UGT2B15: variants seen among roughly 807,000 people sequenced by gnomAD.
UGT2B15 encodes the protein UDP-glucuronosyltransferase 2B15.
UGT2B15 carries 36 observed loss-of-function variants against 45.9 expected under a neutral mutation model. The observed-to-expected ratio is 0.78, with a 90% CI of 0.60 to 1.04. The LOEUF is 1.04. UGT2B15 is among the 50% of genes least tolerant of loss of function. The probability of loss-of-function intolerance (pLI) is 0.00; values close to 1 mark genes in which losing one functional copy is unlikely to be tolerated. For synonymous variants in UGT2B15, 219 were observed against 216.4 expected, an observed-to-expected ratio of 1.01 and a Z score of -0.11; for missense variants, 617 against 622.4, an observed-to-expected ratio of 0.99 and a Z score of 0.09.
chr4:68,654,985 T>C, intron 4 of UGT2B15, 110 bp downstream of exon 4: 1 of 1,346,784 alleles, frequency 7.4e-7, no homozygotes, highest in East Asian at 2.3e-5. Flanking sequence ...ATTTGATTTG[T>C]TTTTTAGTTT....
chr4:68,656,345 TTAA>T (rs976708375), intron 3 of UGT2B15, among the ~76,000 whole-genome samples: 5 of 151,976 alleles, frequency 3.3e-5, no homozygotes, highest in Non-Finnish European at 5.9e-5. Flanking sequence ...CTAGCTGGAC[TTAA>T]TTTCTCCTTA....
In UGT2B15 at chr4:68,665,711, TAG is replaced by T. The variant is rs1238305971; in HGVS notation, c.873+2327_873+2328del. ...ACAATTATTTTGTGTACAAAAGAAT[TAG>T]AGAATCAGTTTCACAATTATTTACT... On this transcript the variant is annotated intron_variant, in intron 2 of 5. Transcript: ENST00000338206. Among the ~76,000 whole-genome samples, 2 of 152,186 alleles carry T rather than the reference TAG, an allele frequency of 1.3e-5. 1 individual carries two copies. Among genetic ancestry groups the T allele is most frequent in the Admixed American group, 1.3e-4 (2 of 15,278 alleles).
intron 3 of UGT2B15, among the ~76,000 whole-genome samples, chr4:68,656,299 C>A (rs1174117972): frequency 6.6e-6 from 1 of 151,970 alleles, no homozygotes; most frequent in Non-Finnish European, 1.5e-5. Context: ...AGGTAAACAG[C>A]TGAATTGCGG....
intron 2 of UGT2B15, among the ~76,000 whole-genome samples, chr4:68,663,436 C>A (rs914959176): frequency 2.0e-4 from 31 of 151,910 alleles, no homozygotes; most frequent in Non-Finnish European, 3.8e-4. Flanking sequence ...AATGTTACAC[C>A]CAGACACTTT....
At chr4:68,654,330 G>A in intron 4 of UGT2B15, 74 bp from the exon 5 acceptor site, 2 of 1,481,774 alleles carry the variant, frequency 1.3e-6, no homozygotes, top group Middle Eastern at 1.8e-4. Flanking sequence ...CACAATATAA[G>A]GAACTTAAAG....
intron 5 of UGT2B15, among the ~76,000 whole-genome samples, chr4:68,650,976 C>T (rs1374809279): frequency 1.4e-5 from 2 of 146,876 alleles, no homozygotes; most frequent in Non-Finnish European, 3.0e-5. Context: ...ATATCTTTTG[C>T]CCACTTTTTG....
intron 3 of UGT2B15, among the ~76,000 whole-genome samples, chr4:68,658,523 T>C (rs1433818888): frequency 1.3e-5 from 2 of 152,094 alleles, no homozygotes; most frequent in Non-Finnish European, 2.9e-5. Context: ...ACATAAGGGT[T>C]ACAAAACTGT....
At chr4:68,661,718 T>C (rs913968356) in intron 3 of UGT2B15, among the ~76,000 whole-genome samples, 9 of 152,112 alleles carry the variant, frequency 5.9e-5, no homozygotes, top group African/African-American at 1.7e-4. Context: ...CAAGTGCTAC[T>C]TTCAGGAAAA....
intron 2 of UGT2B15, among the ~76,000 whole-genome samples, chr4:68,666,870 C>G (rs2109835447): frequency 6.6e-6 from 1 of 151,200 alleles, no homozygotes; most frequent in Non-Finnish European, 1.5e-5. Context: ...CCTCAGCTTC[C>G]CAAGTAGCTG....
In UGT2B15 at chr4:68,646,991, G is replaced by C; in HGVS notation, c.*113C>G. 6.8e-7 allele frequency: 1 copy of C among 1,477,246 alleles called. No homozygotes were observed. Among genetic ancestry groups the C allele is most frequent in the Non-Finnish European group, 9.1e-7 (1 of 1,100,912 alleles). 91.5% of individuals were successfully genotyped at this position (1,477,246 alleles called of 1,614,324 possible). A position where few individuals can be genotyped will look rare whatever the true frequency, so the allele number is the denominator to read the frequency against. ...AAATTTTGTCTTAACAAGGTAAGTT[G>C]TGAAAAGATGTTTTGTCACAGGAAA... is the stretch of plus-strand genomic sequence containing the variant. On this transcript the variant is annotated 3_prime_UTR_variant, in exon 6 of 6. Coordinates refer to ENST00000338206, the MANE Select transcript of UGT2B15 (RefSeq NM_001076.4).
chr4:68,665,983 T>G (rs960971277), intron 2 of UGT2B15, among the ~76,000 whole-genome samples: 52 of 151,950 alleles, frequency 3.4e-4, no homozygotes, highest in Non-Finnish European at 6.2e-4. Flanking sequence ...ACCTGGGGGG[T>G]GGAGGTTTCA....
At chr4:68,666,453 G>T (rs1309539054) in intron 2 of UGT2B15, among the ~76,000 whole-genome samples, 2 of 152,044 alleles carry the variant, frequency 1.3e-5, no homozygotes. Context: ...CACTGGCTGT[G>T]TGTCAGAGAC....
At position 68,650,566 on chromosome 4, in the gene UGT2B15, G is replaced by A. The variant is rs1578193693; in HGVS notation, c.1314-3183C>T. Among the ~76,000 whole-genome samples, 4 of 152,136 alleles carry A rather than the reference G, an allele frequency of 2.6e-5. 1 individual carries two copies. Among genetic ancestry groups the A allele is most frequent in the Admixed American group, 2.6e-4 (4 of 15,270 alleles). On this transcript the variant is annotated intron_variant, in intron 5 of 5. Coordinates refer to ENST00000338206, the MANE Select transcript of UGT2B15 (RefSeq NM_001076.4). ...CTATCACTGATGAGCATTTGGGTTG[G>A]TTCCATATCTTTGATATTGTAGATA...
chr4:68,652,107 G>A (rs1732673174), intron 5 of UGT2B15, among the ~76,000 whole-genome samples: 1 of 151,884 alleles, frequency 6.6e-6, no homozygotes, highest in Non-Finnish European at 1.5e-5. Flanking sequence ...TTAGGCATAT[G>A]CCTAGGTATT....
Position 68,649,273 on chromosome 4 carries a change from C to CTTTTTTTT in UGT2B15, c.1314-1898_1314-1891dup, listed in dbSNP as rs71218976. On this transcript the variant is annotated intron_variant, in intron 5 of 5. Coordinates refer to ENST00000338206, the MANE Select transcript of UGT2B15 (RefSeq NM_001076.4). ...AATTCAGGTAACTATTTCATATAAT[C>CTTTTTTTT]TTTTTTTTTTTTTTTTTTTTTTTTT... 2.4e-4 allele frequency among the ~76,000 whole-genome samples: 22 copies of CTTTTTTTT among 93,264 alleles called. 2 individuals are homozygous for CTTTTTTTT. Among genetic ancestry groups the CTTTTTTTT allele is most frequent in the Middle Eastern group, 9.1e-3 (1 of 110 alleles). 61.2% of individuals were successfully genotyped at this position (93,264 alleles called of 152,430 possible).
Position 68,667,895 on chromosome 4 carries a change from C to T in UGT2B15, c.873+145G>A, listed in dbSNP as rs368971132. 1.6e-3 allele frequency: 2,166 copies of T among 1,336,588 alleles called. 23 individuals are homozygous for T. The African/African-American group carries it at 0.029, about 18-fold the overall frequency. 82.8% of individuals were successfully genotyped at this position (1,336,588 alleles called of 1,614,324 possible). On this transcript the variant is annotated intron_variant, in intron 2 of 5. Transcript: ENST00000338206. Reference sequence around the variant, plus strand: ...TAACATTCACATACTTGTGATACTACAGAAATATATGATTTTCTAATGGCA... The same window carrying T: ...TAACATTCACATACTTGTGATACTATAGAAATATATGATTTTCTAATGGCA...
At chr4:68,664,488 T>G (rs1733061669) in intron 2 of UGT2B15, among the ~76,000 whole-genome samples, 1 of 151,894 alleles carries the variant, frequency 6.6e-6, no homozygotes, top group Non-Finnish European at 1.5e-5. Flanking sequence ...TGTTTACAAA[T>G]AAAAAAAGAA....
intron 5 of UGT2B15, among the ~76,000 whole-genome samples, chr4:68,648,452 T>G (rs1732548721): frequency 6.6e-6 from 1 of 152,134 alleles, no homozygotes; most frequent in African/African-American, 2.4e-5. Flanking sequence ...TCCCCTTGTA[T>G]GATACCTCTT....
chr4:68,650,775 AG>A (rs1430914066), intron 5 of UGT2B15, among the ~76,000 whole-genome samples: 1 of 151,988 alleles, frequency 6.6e-6, no homozygotes, highest in Non-Finnish European at 1.5e-5. Flanking sequence ...AAATGTAAAA[AG>A]CTTTCCTATT....
Sources: gnomAD v4.1 joint callset for allele counts (sites outside exome capture counted in the v4.1 genomes callset) on GRCh38, gnomAD v4.1.1 for gene constraint, MANE v1.5 for transcripts, NCBI Gene and HGNC (gene_info 2026-07-23, HGNC 2026-07-21) for gene names.